PHACTR2: variants seen among roughly 807,000 people sequenced by gnomAD.
The protein encoded by PHACTR2 is phosphatase and actin regulator 2, also known as chromosome 6 open reading frame 56.
In PHACTR2, 30 loss-of-function variants were observed where a neutral mutation model predicts 76.0. The observed-to-expected ratio is 0.39, with a 90% CI of 0.30 to 0.54. PHACTR2 has a LOEUF of 0.54. Among genes scored for constraint, PHACTR2 ranks in the 20% least tolerant of loss-of-function variants. The pLI is 0.61. For synonymous variants in PHACTR2, 292 were observed against 292.5 expected (o/e 1.00, Z 0.02); for missense variants, 696 against 781.1 (o/e 0.89, Z 1.30).
At position 143,743,921 on chromosome 6, in the gene PHACTR2, G is replaced by A. The variant is rs1054347100; in HGVS notation, c.215-5064G>A. On this transcript the variant is annotated intron_variant, in intron 2 of 12. Transcript: ENST00000440869. This position sits in a 1 kb window ranked among gnomAD's most constrained non-coding sequence, Gnocchi z 5.0. ...AGATTTACTCTCACAGATATTTCCA[G>A]AGTAATATGAAATCCCAGCCAAGTA... 6.6e-6 allele frequency among the ~76,000 whole-genome samples: 1 copy of A among 152,190 alleles called. No individual in the cohort carries two copies. Among genetic ancestry groups the A allele is most frequent in the Non-Finnish European group, 1.5e-5 (1 of 68,038 alleles).
rs1778113554 is a variant in PHACTR2, at chr6:143,709,121, A to G, written c.47-2895A>G. 6.6e-6 allele frequency among the ~76,000 whole-genome samples: 1 copy of G among 152,230 alleles called. No homozygotes were observed. Among genetic ancestry groups the G allele is most frequent in the Non-Finnish European group, 1.5e-5 (1 of 68,044 alleles). Reference sequence around the variant, plus strand: ...CCTCTGGTTCAAAGAGGGAAGTTGGACAGGAGTTAAATTGAAGTAATAAAT... The same window carrying G: ...CCTCTGGTTCAAAGAGGGAAGTTGGGCAGGAGTTAAATTGAAGTAATAAAT... On this transcript the variant is annotated intron_variant, in intron 1 of 12. Coordinates refer to ENST00000440869, the MANE Select transcript of PHACTR2 (RefSeq NM_001100164.2). This position sits in a 1 kb window ranked among gnomAD's most constrained non-coding sequence, Gnocchi z 4.4.
rs1778193955 is a variant in PHACTR2, at chr6:143,712,198, A to G, written c.214+15A>G. The G allele has an allele frequency of 1.4e-6, 2 of 1,399,070 alleles. No individual in the cohort carries two copies. Among genetic ancestry groups the G allele is most frequent in the African/African-American group, 1.5e-5 (1 of 68,076 alleles). 86.7% of individuals were successfully genotyped at this position (1,399,070 alleles called of 1,614,324 possible). The stretch of plus-strand genomic sequence containing the variant: ...AACCTCGGCAGGTATGAGTATCATA[A>G]CTTGTTAGAAGATGGGATAAATTGT... On this transcript the variant is annotated intron_variant, in intron 2 of 12. Transcript: ENST00000440869.
Position 143,543,763 on chromosome 6 carries a change from G to C in PHACTR2, c.217+6556G>C, listed in dbSNP as rs1001840850. ...GAGAGTAGAGAGCTGGGCAGAGACT[G>C]AGTATGGGAGGTTGCTGTGTTTGCC... is the stretch of plus-strand genomic sequence containing the variant. On this transcript the variant is annotated intron_variant, in intron 1 of 11. Transcript: ENST00000367584. This position sits in a 1 kb window ranked among gnomAD's most constrained non-coding sequence, Gnocchi z 4.7. 4.6e-5 allele frequency among the ~76,000 whole-genome samples: 7 copies of C among 152,226 alleles called. No homozygotes were observed. The highest frequency in any genetic ancestry group is 4.4e-5 in the Non-Finnish European group (3 of 68,038).
Position 143,678,023 on chromosome 6 carries a change from G to T in PHACTR2, c.-141G>T, listed in dbSNP as rs1278769737. ...GCCGGCCGGGCTGGGAGACCCGCGC[G>T]GGGTAGAAGGTGAGGGGACCCGGCG... On this transcript the variant is annotated 5_prime_UTR_variant, in exon 1 of 13. Transcript: ENST00000440869. This position sits in a 1 kb window ranked among gnomAD's most constrained non-coding sequence, Gnocchi z 6.2. The T allele has an allele frequency of 6.7e-7, 1 of 1,488,190 alleles. No homozygotes were observed. The allele number at this position is 1,488,190 out of a possible 1,614,324, so 92.2% of individuals were successfully genotyped here.
intron 11 of PHACTR2, among the ~76,000 whole-genome samples, chr6:143,797,473 A>G (rs966183090): frequency 2.0e-5 from 3 of 152,222 alleles, no homozygotes; most frequent in Admixed American, 6.5e-5. Flanking sequence ...CGTTTTAGAC[A>G]TGAAGTCTTT....
rs1269044423 is a variant in PHACTR2, at chr6:143,809,284, C to G, written c.1922+2151C>G. Among the ~76,000 whole-genome samples the G allele has an allele frequency of 6.6e-6, 1 of 152,078 alleles. No individual in the cohort carries two copies. ...GAGGTTCTTTCTGTTCTGTTGTACT[C>G]TATATGAAGAAGCACAATAAAATTG... On this transcript the variant is annotated intron_variant, in intron 12 of 12. Transcript: ENST00000440869. This position sits in a 1 kb window ranked among gnomAD's most constrained non-coding sequence, Gnocchi z 4.2.
intron 5 of PHACTR2, among the ~76,000 whole-genome samples, chr6:143,762,062 C>A (rs1349736281): frequency 6.6e-6 from 1 of 152,168 alleles, no homozygotes; most frequent in Non-Finnish European, 1.5e-5. Context: ...GCTGTCCTCA[C>A]CCATCAGTGT....
chr6:143,818,481 T>G lies in PHACTR2; in HGVS notation c.1923-5193T>G, dbSNP rs1237166443. ...AATAGATGCATAGCACTTGGACTTGTAAGCTCTGGTAAGTATTATATTAGG... is the reference window on the plus strand; with the variant it reads ...AATAGATGCATAGCACTTGGACTTGGAAGCTCTGGTAAGTATTATATTAGG... On this transcript the variant is annotated intron_variant, in intron 12 of 12. Transcript: ENST00000440869. The surrounding 1 kb of genome is among the most constrained non-coding windows in gnomAD (Gnocchi z 4.9). Among the ~76,000 whole-genome samples, 3 of 152,232 alleles carry G rather than the reference T, an allele frequency of 2.0e-5. No homozygotes were observed. The highest frequency in any genetic ancestry group is 7.2e-5 in the African/African-American group (3 of 41,460).
Position 143,803,851 on chromosome 6 carries a change from GC to G in PHACTR2, c.1846-3205del, listed in dbSNP as rs1333349236. On this transcript the variant is annotated intron_variant, in intron 11 of 12. Transcript: ENST00000440869. The surrounding 1 kb of genome is among the most constrained non-coding windows in gnomAD (Gnocchi z 4.7). ...ATACTAGAGCGTTGCGAAAATAAAAGCAAGATATTTCATGACAAACTTATCC... is the reference window on the plus strand; with the variant it reads ...ATACTAGAGCGTTGCGAAAATAAAAGAAGATATTTCATGACAAACTTATCC... Among the ~76,000 whole-genome samples the G allele has an allele frequency of 1.3e-5, 2 of 152,164 alleles. No individual in the cohort carries two copies. The highest frequency in any genetic ancestry group is 1.5e-5 in the Non-Finnish European group (1 of 68,018).
chr6:143,758,983 GGA>G (rs1396756673), intron 4 of PHACTR2, among the ~76,000 whole-genome samples: 4 of 152,164 alleles, frequency 2.6e-5, no homozygotes, highest in African/African-American at 9.6e-5. Flanking sequence ...TTCAATTATG[GGA>G]GCCTTGGTTA....
chr6:143,626,328 G>A (rs747141915), intron 1 of PHACTR2, among the ~76,000 whole-genome samples: 3 of 152,098 alleles, frequency 2.0e-5, no homozygotes, highest in Non-Finnish European at 4.4e-5. Flanking sequence ...ACGAGGTCAG[G>A]AGATTAAGAC....
chr6:143,602,243 G>A lies in PHACTR2; in HGVS notation c.217+65036G>A, dbSNP rs1416412778. On this transcript the variant is annotated intron_variant, in intron 1 of 11. Coordinates refer to the PHACTR2 transcript ENST00000367584. The surrounding 1 kb of genome is among the most constrained non-coding windows in gnomAD (Gnocchi z 6.1). ...GTCAGGTTTTCTAATGACATCTTGA[G>A]GAAATTTCTGCTCAATTTTGAGGGC... 1.3e-5 allele frequency among the ~76,000 whole-genome samples: 2 copies of A among 152,068 alleles called. No homozygotes were observed. The highest frequency in any genetic ancestry group is 2.9e-5 in the Non-Finnish European group (2 of 68,016).
intron 12 of PHACTR2, among the ~76,000 whole-genome samples, chr6:143,817,682 T>C (rs1776329544): frequency 6.6e-6 from 1 of 152,200 alleles, no homozygotes; most frequent in Non-Finnish European, 1.5e-5. Flanking sequence ...CAAGAAAGAA[T>C]GAAATTCTGT....
rs1189703416 is a variant in PHACTR2, at chr6:143,738,527, G to A, written c.215-10458G>A. ...AATCCTAGCACTTTGGGAGGCCAAG[G>A]TAAATGGATCACTTGAGCTCACGAC... On this transcript the variant is annotated intron_variant, in intron 2 of 12. Transcript: ENST00000440869. This position sits in a 1 kb window ranked among gnomAD's most constrained non-coding sequence, Gnocchi z 4.0. 2.6e-5 allele frequency among the ~76,000 whole-genome samples: 4 copies of A among 151,908 alleles called. No homozygotes were observed. The highest frequency in any genetic ancestry group is 2.1e-4 in the South Asian group (1 of 4,818).
Position 143,799,606 on chromosome 6 carries a change from A to C in PHACTR2, c.1846-7451A>C, listed in dbSNP as rs556679566. ...TTGTGTCTTTGTTCTCATTGGTTTC[A>C]AAGAACATCTTTATTTCTGCCTTCA... On this transcript the variant is annotated intron_variant, in intron 11 of 12. Transcript: ENST00000440869. 2.0e-5 allele frequency among the ~76,000 whole-genome samples: 3 copies of C among 152,338 alleles called. No homozygotes were observed. The East Asian group carries it at 5.8e-4, about 29-fold the overall frequency.
intron 1 of PHACTR2, among the ~76,000 whole-genome samples, chr6:143,609,778 A>G (rs1169337257): frequency 6.6e-6 from 1 of 152,182 alleles, no homozygotes; most frequent in African/African-American, 2.4e-5. Flanking sequence ...ACTGACTCAT[A>G]TATTTATTTA....
At chr6:143,620,726 T>C (rs1162301238) in intron 1 of PHACTR2, among the ~76,000 whole-genome samples, 1 of 152,248 alleles carries the variant, frequency 6.6e-6, no homozygotes, top group African/African-American at 2.4e-5. Context: ...CCACAAGGCA[T>C]AGGCCATGCC....
rs1228189276 is a variant in PHACTR2 at position 143,537,081 on chromosome 6, G to A, written c.91G>A (p.Ala31Thr). 4.9e-6 allele frequency: 1 copy of A among 206,136 alleles called. No homozygotes were observed. Among genetic ancestry groups the A allele is most frequent in the Non-Finnish European group, 9.5e-6 (1 of 104,980 alleles). The allele number at this position is 206,136 out of a possible 1,614,324, so 12.8% of individuals were successfully genotyped here. ...CCCAGTCCCCGAGCCCGAGGCGCCC[G>A]CCCCGCCGGCGGCGCCTGCCCTGCG... The change falls in exon 1 of 12, where the codon GCC becomes ACC. Residue 31 changes from alanine (A) to threonine (T), a missense_variant. Coordinates refer to the PHACTR2 transcript ENST00000367584. This position sits in a 1 kb window ranked among gnomAD's most constrained non-coding sequence, Gnocchi z 4.4.
chr6:143,667,509 A>G (rs779522220), intron 1 of PHACTR2, among the ~76,000 whole-genome samples: 4 of 152,216 alleles, frequency 2.6e-5, no homozygotes, highest in Non-Finnish European at 5.9e-5. Context: ...ATCCGTGAGC[A>G]TGGAATGCTT....
Sources: allele counts gnomAD v4.1 joint callset (sites outside exome capture counted in the v4.1 genomes callset), GRCh38; gene constraint gnomAD v4.1.1; non-coding constraint Gnocchi (gnomAD v3.1); transcripts MANE v1.5; gene names NCBI Gene and HGNC (gene_info 2026-07-23, HGNC 2026-07-21).